SUPT20H: variants seen among roughly 807,000 people sequenced by gnomAD.
The protein encoded by SUPT20H is SPT20 homolog, SAGA complex component, also known as transcription factor SPT20 homolog.
A neutral mutation model predicts 122.8 loss-of-function variants in SUPT20H; 82 were observed. That is an observed-to-expected ratio of 0.67 (90% CI 0.56 to 0.80). SUPT20H has a LOEUF of 0.80. Ranked by LOEUF, SUPT20H falls within the 30% of genes least tolerant of loss-of-function variation. The pLI, the probability that SUPT20H is intolerant of heterozygous loss-of-function variation, is 0.00. For synonymous variants in SUPT20H, 291 were observed against 313.0 expected (o/e 0.93, Z 0.74); for missense variants, 831 against 921.6 (o/e 0.90, Z 1.27).
chr13:37,039,464 C>T (rs1276797993), intron 9 of SUPT20H: 1 of 152,130 alleles, frequency 6.6e-6, no homozygotes, highest in African/African-American at 2.4e-5. Flanking sequence ...AGACATTTTG[C>T]TTGTTGACTT....
At chr13:37,011,662 C>T (rs1440270353) in intron 24 of SUPT20H, among the ~76,000 whole-genome samples, 15 of 152,168 alleles carry the variant, frequency 9.9e-5, no homozygotes, top group Admixed American at 9.8e-4. Context: ...CTTCAACTGA[C>T]AGGATAATCA....
intron 20 of SUPT20H, 147 bp downstream of exon 20, chr13:37,021,863 TG>T: frequency 1.0e-6 from 1 of 968,674 alleles, no homozygotes; most frequent in Non-Finnish European, 1.5e-6. Context: ...AAAACATACA[TG>T]GTCAGGCAGC....
chr13:37,010,265 G>A (rs189254757), intron 25 of SUPT20H, among the ~76,000 whole-genome samples: 1 of 152,214 alleles, frequency 6.6e-6, no homozygotes, highest in Admixed American at 6.5e-5. Flanking sequence ...GTTAACAATT[G>A]GCACTTACAA....
At position 37,045,307 on chromosome 13, in the gene SUPT20H, C is replaced by A. The variant is rs775725012; in HGVS notation, c.232G>T (p.Val78Phe). ...CCCTCATTTCCTGGGTATAGATTGA[C>A]CACTAAACATGACAAAGTCTCTTGC... ...VMQETLSCLV[V>F]NLYPGNEGYS... Residue 78 changes from valine to phenylalanine, a missense_variant, in exon 6 of 26, where the codon GTC becomes TTC. Coordinates refer to ENST00000350612, the MANE Select transcript of SUPT20H (RefSeq NM_001014286.3). 5 of 1,613,698 alleles carry A rather than the reference C, an allele frequency of 3.1e-6. No individual in the cohort carries two copies. The highest frequency in any genetic ancestry group is 1.7e-4 in the Middle Eastern group (1 of 6,054).
chr13:37,016,831 T>A (rs1593899669), intron 23 of SUPT20H, among the ~76,000 whole-genome samples: 2 of 152,204 alleles, frequency 1.3e-5, no homozygotes, highest in East Asian at 3.9e-4. Context: ...AGTGTACACA[T>A]TTGTTTTTGT....
In SUPT20H at chr13:37,012,113, A is replaced by G. The variant is rs962117976; in HGVS notation, c.2098+79T>C. The G allele has an allele frequency of 8.7e-6, 10 of 1,151,550 alleles. No homozygotes were observed. The Admixed American group carries it at 1.9e-4, about 22-fold the overall frequency. 71.3% of individuals were successfully genotyped at this position (1,151,550 alleles called of 1,614,324 possible). A position where few individuals can be genotyped will look rare whatever the true frequency, so the allele number is the denominator to read the frequency against. ...TACTGGTTGCAAGGGAAGGAAAAGA[A>G]AATAATTTAAGCGGTGAGATCCCAA... On this transcript the variant is annotated intron_variant, in intron 24 of 25. Transcript: ENST00000350612.
At chr13:37,019,592 T>C (rs376973810) in intron 21 of SUPT20H, among the ~76,000 whole-genome samples, 195 bp from the exon 22 acceptor site, 7 of 152,332 alleles carry the variant, frequency 4.6e-5, no homozygotes, top group East Asian at 1.9e-4. Flanking sequence ...TTATTCAAAG[T>C]TGTGAAGCAC....
chr13:37,016,282 T>C lies in SUPT20H; in HGVS notation c.1992+963A>G, dbSNP rs539983613. Among the ~76,000 whole-genome samples the C allele has an allele frequency of 2.6e-5, 4 of 151,824 alleles. No homozygotes were observed. In the South Asian group the frequency reaches 8.3e-4, roughly 32 times the overall value. On this transcript the variant is annotated intron_variant, in intron 23 of 25. Transcript: ENST00000350612. ...TCTACTAAAAATACAAAAAAAAAAT[T>C]AGTCGGGCGTGGTGGCACATGTCTG...
intron 21 of SUPT20H, among the ~76,000 whole-genome samples, chr13:37,020,264 T>C (rs1007643423): frequency 1.3e-5 from 2 of 152,148 alleles, no homozygotes; most frequent in Non-Finnish European, 2.9e-5. Flanking sequence ...CGAAGCCTTG[T>C]ATAAGAAACT....
At chr13:37,021,969 T>C (rs765332262) in intron 20 of SUPT20H, 42 bp downstream of exon 20, 3 of 1,519,888 alleles carry the variant, frequency 2.0e-6, no homozygotes, top group East Asian at 4.5e-5. Context: ...TTGGTGAAAC[T>C]ATCTTTATAA....
chr13:37,032,122 C>A (rs1319960900), intron 10 of SUPT20H, among the ~76,000 whole-genome samples: 1 of 151,874 alleles, frequency 6.6e-6, no homozygotes. Flanking sequence ...GAGACATTCA[C>A]AAGTAAACAG....
rs754411778 is a variant in SUPT20H, at chr13:37,009,778, A to T, written c.2234T>A (p.Met745Lys). 1.2e-6 allele frequency: 2 copies of T among 1,612,820 alleles called. No homozygotes were observed. Among genetic ancestry groups the T allele is most frequent in the Non-Finnish European group, 8.5e-7 (1 of 1,179,684 alleles). Reference sequence around the variant, plus strand: ...AGCTGTTTGTGCTGCTGCTGCTGCCATAGCCATTTGATGCTGCAAGAATCG... The same window carrying T: ...AGCTGTTTGTGCTGCTGCTGCTGCCTTAGCCATTTGATGCTGCAAGAATCG... The part of the protein sequence containing the change: ...QLRFLQHQMA[M>K]AAAAAQTAQL... The change falls in exon 26 of 26, where the codon ATG becomes AAG. Residue 745 changes from methionine to lysine, a missense_variant. Met to Lys is a moderately conservative substitution (Grantham distance 95). Transcript: ENST00000350612.
At chr13:37,012,332 AAG>A (rs758147800) in intron 23 of SUPT20H, 35 bp from the exon 24 acceptor site, 1 of 1,552,592 alleles carries the variant, frequency 6.4e-7, no homozygotes, top group Admixed American at 1.8e-5. Context: ...TTGTACAAGA[AAG>A]AAAAACAAAT....
chr13:37,044,540 C>T (rs1431133644), intron 6 of SUPT20H, among the ~76,000 whole-genome samples: 1 of 152,146 alleles, frequency 6.6e-6, no homozygotes, highest in Non-Finnish European at 1.5e-5. Context: ...GGTGCCTTAT[C>T]TGAAAAGTGG....
intron 14 of SUPT20H, 143 bp downstream of exon 14, chr13:37,028,005 G>A (rs990719068): frequency 1.9e-5 from 13 of 699,398 alleles, no homozygotes; most frequent in East Asian, 1.0e-4. Flanking sequence ...TAGGTCTACC[G>A]CCAAATCTAA....
chr13:37,035,773 G>A (rs1055297490), intron 9 of SUPT20H, among the ~76,000 whole-genome samples: 3 of 152,092 alleles, frequency 2.0e-5, no homozygotes, highest in African/African-American at 2.4e-5. Context: ...CTTGTGATCC[G>A]CCTGCTTCGG....
At chr13:37,026,583 T>C (rs2062325615) in intron 15 of SUPT20H, among the ~76,000 whole-genome samples, 1 of 152,132 alleles carries the variant, frequency 6.6e-6, no homozygotes, top group Admixed American at 6.5e-5. Flanking sequence ...AACTAACATG[T>C]GCAAAGGTCT....
chr13:37,026,724 T>C, intron 15 of SUPT20H, 66 bp downstream of exon 15: 1 of 939,930 alleles, frequency 1.1e-6, no homozygotes, highest in South Asian at 1.8e-5. Context: ...ATTTAGCAAG[T>C]CTTTTTAAAG....
chr13:37,009,929 A>AG, intron 25 of SUPT20H, 120 bp from the exon 26 acceptor site: 1 of 1,376,806 alleles, frequency 7.3e-7, no homozygotes, highest in East Asian at 2.4e-5. Context: ...GATAACAAAA[A>AG]GGGACTATAC....
Sources: gnomAD v4.1 joint callset for allele counts (sites outside exome capture counted in the v4.1 genomes callset) on GRCh38, gnomAD v4.1.1 for gene constraint, MANE v1.5 for transcripts, NCBI Gene and HGNC (gene_info 2026-07-23, HGNC 2026-07-21) for gene names.